Variants in RRP1B observed in about 807,000 individuals in gnomAD.
The protein encoded by RRP1B is ribosomal RNA processing protein 1 homolog B.
Under a neutral mutation model 80.2 loss-of-function variants are expected in RRP1B, and 56 were observed. The ratio of observed to expected loss-of-function variants is 0.70; its 90% CI spans 0.56 to 0.87. RRP1B has a LOEUF of 0.87. Ranked by LOEUF, RRP1B falls within the 40% of genes least tolerant of loss-of-function variation. The pLI, the probability that RRP1B is intolerant of heterozygous loss-of-function variation, is 0.00. For missense variants in RRP1B, 807 were observed against 939.8 expected (o/e 0.86, Z 1.85); for synonymous variants, 351 against 357.6 (o/e 0.98, Z 0.21).
chr21:43,663,127 A>G (rs1341437510), intron 1 of RRP1B, among the ~76,000 whole-genome samples: 1 of 152,194 alleles, frequency 6.6e-6, no homozygotes, highest in Non-Finnish European at 1.5e-5. Flanking sequence ...GGTGTGTTCA[A>G]GTTTAACACT....
intron 6 of RRP1B, among the ~76,000 whole-genome samples, chr21:43,675,973 G>T (rs2083020371): frequency 1.3e-5 from 2 of 151,638 alleles, no homozygotes; most frequent in Admixed American, 1.3e-4. Flanking sequence ...TTATGGCTTG[G>T]GGAAGTCACA....
chr21:43,676,993 T>C, intron 8 of RRP1B, 79 bp downstream of exon 8: 1 of 1,427,590 alleles, frequency 7.0e-7, no homozygotes, highest in Admixed American at 1.9e-5. Flanking sequence ...ATACATTTGT[T>C]GGCATCTTAC....
intron 13 of RRP1B, 68 bp downstream of exon 13, chr21:43,688,308 G>A (rs2083072828): frequency 6.8e-7 from 1 of 1,462,312 alleles, no homozygotes; most frequent in Non-Finnish European, 9.1e-7. Flanking sequence ...GGGCTCCACT[G>A]CCTCCTGAGA....
chr21:43,692,369 G>A (rs1168827786), intron 15 of RRP1B, among the ~76,000 whole-genome samples: 3 of 152,156 alleles, frequency 2.0e-5, no homozygotes, highest in African/African-American at 7.2e-5. Context: ...GGGAGGCCAA[G>A]GTGGGCAGAT....
At position 43,659,639 on chromosome 21, in the gene RRP1B, C is replaced by G. The variant is rs1446007255; in HGVS notation, c.-26C>G. On this transcript the variant is annotated 5_prime_UTR_variant, in exon 1 of 16. Transcript: ENST00000340648. The surrounding 1 kb of genome is among the most constrained non-coding windows in gnomAD (Gnocchi z 4.2). ...GGCTGCAGCGGCACCGCGGGTTGCG[C>G]GGCCGGGGATGCTCCAGCGGGCGCG... is the stretch of plus-strand genomic sequence containing the variant. 7.5e-6 allele frequency: 11 copies of G among 1,459,472 alleles called. No individual in the cohort carries two copies. Among genetic ancestry groups the G allele is most frequent in the African/African-American group, 1.5e-5 (1 of 67,410 alleles). The allele number at this position is 1,459,472 out of a possible 1,614,324, so 90.4% of individuals were successfully genotyped here.
Position 43,688,028 on chromosome 21 carries a change from A to G in RRP1B, c.1654A>G (p.Thr552Ala). The G allele has an allele frequency of 6.2e-7, 1 of 1,612,224 alleles. No individual in the cohort carries two copies. Among genetic ancestry groups the G allele is most frequent in the Non-Finnish European group, 8.5e-7 (1 of 1,179,376 alleles). Residue 552 changes from threonine to alanine, a missense_variant, in exon 13 of 16, where the codon ACA becomes GCA. Physicochemically the swap from Thr to Ala is moderately conservative, Grantham distance 58 (BLOSUM62 0). Coordinates refer to ENST00000340648, the MANE Select transcript of RRP1B (RefSeq NM_015056.3). ...TCCATTGCAGCAGGAAGGCCCTCCC[A>G]CAGGCCCCGCAGAGGGGGCGAACAG... ...WPPLQQEGPPTGPAEGANSHT... is the reference protein window; with the variant it reads ...WPPLQQEGPPAGPAEGANSHT...
At chr21:43,668,495 G>A (rs956461048) in intron 1 of RRP1B, among the ~76,000 whole-genome samples, 26 of 151,612 alleles carry the variant, frequency 1.7e-4, no homozygotes, top group African/African-American at 6.3e-4. Flanking sequence ...AGCCTCTGGA[G>A]TAGCTGGGAC....
At chr21:43,674,503 A>AT (rs2083013091) in intron 4 of RRP1B, 133 bp from the exon 5 acceptor site, 2 of 647,818 alleles carry the variant, frequency 3.1e-6, no homozygotes, top group Admixed American at 3.6e-5. Context: ...TGTTGTGAAT[A>AT]TTTTTTTACT....
rs1170423488 is a variant in RRP1B, at chr21:43,691,936, C to T, written c.2083+434C>T. On this transcript the variant is annotated intron_variant, in intron 15 of 15. Transcript: ENST00000340648. This position sits in a 1 kb window ranked among gnomAD's most constrained non-coding sequence, Gnocchi z 4.2. ...ATCTGGGATTACAAGCGTGAGCCACCGAGCCCGGCCCCTCACTGCCCATTT... is the reference window on the plus strand; with the variant it reads ...ATCTGGGATTACAAGCGTGAGCCACTGAGCCCGGCCCCTCACTGCCCATTT... 4.6e-5 allele frequency among the ~76,000 whole-genome samples: 7 copies of T among 151,932 alleles called. No homozygotes were observed. The highest frequency in any genetic ancestry group is 9.7e-5 in the African/African-American group (4 of 41,356).
chr21:43,664,736 C>T (rs2082971624), intron 1 of RRP1B, among the ~76,000 whole-genome samples: 1 of 152,196 alleles, frequency 6.6e-6, no homozygotes, highest in Non-Finnish European at 1.5e-5. Context: ...ACTCACAGTT[C>T]CACATGGCTG....
rs142273251 is a variant in RRP1B at position 43,686,859 on chromosome 21, C to G, written c.1065C>G (p.Asp355Glu). ...AGGACATTTCTGCTGATGAAGATGA[C>G]CAAATCCTCAGTCAAGGAAAGCATA... Reference protein sequence around the residue: ...FAEDISADEDDQILSQGKHKK... With the variant: ...FAEDISADEDEQILSQGKHKK... Residue 355 changes from aspartate (D) to glutamate (E), a missense_variant, in exon 12 of 16, where the codon GAC becomes GAG. Asp to Glu is a conservative substitution (Grantham distance 45). Coordinates refer to ENST00000340648, the MANE Select transcript of RRP1B (RefSeq NM_015056.3). 2.0e-5 allele frequency: 32 copies of G among 1,613,732 alleles called. No individual in the cohort carries two copies. In the African/African-American group the frequency reaches 4.0e-4, roughly 20 times the overall value.
chr21:43,684,066 C>T (rs1033616820), intron 9 of RRP1B, among the ~76,000 whole-genome samples: 16 of 148,096 alleles, frequency 1.1e-4, no homozygotes, highest in African/African-American at 3.6e-4. Context: ...CCAGCTTTTC[C>T]CAAGAATAAT....
intron 1 of RRP1B, among the ~76,000 whole-genome samples, chr21:43,662,350 G>A (rs2082961057): frequency 1.3e-5 from 2 of 152,188 alleles, no homozygotes; most frequent in Non-Finnish European, 2.9e-5. Context: ...GAGTACAGTG[G>A]ACCTTCAGAA....
rs566317281 is a variant in RRP1B at position 43,695,173 on chromosome 21, T to A, written c.*1790T>A. ...AAGGTGAGCAAATAGTTTTAACTTTTCTTTTTTTTTTTTAAGTTTCATTCT... is the reference window on the plus strand; with the variant it reads ...AAGGTGAGCAAATAGTTTTAACTTTACTTTTTTTTTTTTAAGTTTCATTCT... On this transcript the variant is annotated 3_prime_UTR_variant, in exon 16 of 16. Coordinates refer to ENST00000340648, the MANE Select transcript of RRP1B (RefSeq NM_015056.3). The A allele has an allele frequency of 6.5e-5, 6 of 91,824 alleles. No homozygotes were observed. The East Asian group carries it at 3.4e-3, about 51-fold the overall frequency. 5.7% of individuals were successfully genotyped at this position (91,824 alleles called of 1,614,324 possible). A position where few individuals can be genotyped will look rare whatever the true frequency, so the allele number is the denominator to read the frequency against.
In RRP1B at chr21:43,683,465, G is replaced by A. The variant is rs1367795085; in HGVS notation, c.891+92G>A. 4 of 923,266 alleles carry A rather than the reference G, an allele frequency of 4.3e-6. No individual in the cohort carries two copies. In the African/African-American group the frequency reaches 6.7e-5, roughly 15 times the overall value. 57.2% of individuals were successfully genotyped at this position (923,266 alleles called of 1,614,324 possible). The stretch of plus-strand genomic sequence containing the variant: ...GGGTCACAGCTAGTTAAGCTATAAG[G>A]CCTGAAGCGTAAACTCCTTTTTAAT... On this transcript the variant is annotated intron_variant, in intron 9 of 15. Transcript: ENST00000340648.
intron 1 of RRP1B, among the ~76,000 whole-genome samples, chr21:43,663,437 A>G (rs1290117125): frequency 6.6e-6 from 1 of 152,030 alleles, no homozygotes; most frequent in Non-Finnish European, 1.5e-5. Context: ...TTGTGTTTTT[A>G]GTAGAGACGG....
At chr21:43,667,030 C>T (rs1194354761) in intron 1 of RRP1B, among the ~76,000 whole-genome samples, 1 of 108,570 alleles carries the variant, frequency 9.2e-6, no homozygotes, top group Non-Finnish European at 1.8e-5. Flanking sequence ...TAAGATTTGA[C>T]ACAGTTGGGT....
rs1370607959 is a variant in RRP1B, at chr21:43,676,823, G to A, written c.705G>A (p.Gln235=). 2 of 1,614,258 alleles carry A rather than the reference G, an allele frequency of 1.2e-6. No homozygotes were observed. ...PFVPEETMEE[Q]KTKVGDGDLS... ...TGCCTGAAGAGACGATGGAGGAACAGAAGACAAAAGTGGGTGATGGTGACC... is the reference window on the plus strand; with the variant it reads ...TGCCTGAAGAGACGATGGAGGAACAAAAGACAAAAGTGGGTGATGGTGACC... The change falls in exon 8 of 16, where the codon CAG becomes CAA. Residue 235 remains glutamine (Q), a synonymous_variant. Transcript: ENST00000340648.
intron 3 of RRP1B, among the ~76,000 whole-genome samples, chr21:43,672,762 A>G (rs553369124): frequency 6.6e-6 from 1 of 152,292 alleles, no homozygotes; most frequent in East Asian, 1.9e-4. Flanking sequence ...CCTCTCAACC[A>G]TAGAGAAAAA....
Sources: allele counts gnomAD v4.1 joint callset (sites outside exome capture counted in the v4.1 genomes callset), GRCh38; gene constraint gnomAD v4.1.1; non-coding constraint Gnocchi (gnomAD v3.1); transcripts MANE v1.5; gene names NCBI Gene and HGNC (gene_info 2026-07-23, HGNC 2026-07-21).